Variants in TBC1D20 observed in about 807,000 individuals in gnomAD.
TBC1D20 encodes chromosome 20 open reading frame 140.
A neutral mutation model predicts 41.6 loss-of-function variants in TBC1D20; 12 were observed. That is an observed-to-expected ratio of 0.29 (90% CI 0.18 to 0.47). TBC1D20 has a LOEUF of 0.47. Among genes scored for constraint, TBC1D20 ranks in the 20% least tolerant of loss-of-function variants. TBC1D20 has a pLI of 1.00. For synonymous variants in TBC1D20, 205 were observed against 204.8 expected (o/e 1.00, Z -0.01); for missense variants, 421 against 517.4 (o/e 0.81, Z 1.81).
rs1031576158 is a variant in TBC1D20 at position 435,483 on chromosome 20, T to G, written c.*3103A>C. ...GGCTCACAGAACTCAGGGAAACTTA[T>G]GTTTACCAGTTTATTACAAACATTA... On this transcript the variant is annotated 3_prime_UTR_variant, in exon 8 of 8. Transcript: ENST00000354200. The G allele has an allele frequency of 1.3e-5, 2 of 153,266 alleles. No individual in the cohort carries two copies. Among genetic ancestry groups the G allele is most frequent in the African/African-American group, 2.4e-5 (1 of 41,464 alleles). 9.5% of individuals were successfully genotyped at this position (153,266 alleles called of 1,614,324 possible).
chr20:457,072 G>A (rs181383180), intron 1 of TBC1D20, among the ~76,000 whole-genome samples: 242 of 151,662 alleles, frequency 1.6e-3, no homozygotes, highest in African/African-American at 4.9e-3. Context: ...GAGTAGCTGG[G>A]ATTACAGGCA....
chr20:455,543 G>A (rs187021274), intron 1 of TBC1D20, among the ~76,000 whole-genome samples: 16 of 151,790 alleles, frequency 1.1e-4, no homozygotes, highest in South Asian at 2.1e-4. Flanking sequence ...GCTTGAACCC[G>A]GGAGGCGGAG....
At position 458,544 on chromosome 20, in the gene TBC1D20, C is replaced by T. The variant is rs180987306; in HGVS notation, c.70+3792G>A. Among the ~76,000 whole-genome samples, 12 of 152,194 alleles carry T rather than the reference C, an allele frequency of 7.9e-5. No individual in the cohort carries two copies. The East Asian group carries it at 1.9e-3, about 24-fold the overall frequency. ...CCCAGGCTGATCTCAAACTCCTGGG[C>T]TCTAGTGATCCACCCACCTCGACCT... is the stretch of plus-strand genomic sequence containing the variant. On this transcript the variant is annotated intron_variant, in intron 1 of 7. Transcript: ENST00000354200.
At position 462,334 on chromosome 20, in the gene TBC1D20, A is replaced by G; in HGVS notation, c.70+2T>C. Reference sequence around the variant, plus strand: ...TCCCGGCGCCCCGGTCGGCTTCCGTACCTGCCTTCTCCGCGCCGCCGTCCC... The same window carrying G: ...TCCCGGCGCCCCGGTCGGCTTCCGTGCCTGCCTTCTCCGCGCCGCCGTCCC... On this transcript the variant is annotated splice_donor_variant, in intron 1 of 7. Coordinates refer to ENST00000354200, the MANE Select transcript of TBC1D20 (RefSeq NM_144628.4). LOFTEE classifies it high-confidence loss of function. The G allele has an allele frequency of 7.7e-7, 1 of 1,302,012 alleles. No individual in the cohort carries two copies. The highest frequency in any genetic ancestry group is 1.9e-5 in the South Asian group (1 of 51,964). 80.7% of individuals were successfully genotyped at this position (1,302,012 alleles called of 1,614,324 possible).
At chr20:446,357 T>G (rs1181274263) in intron 2 of TBC1D20, among the ~76,000 whole-genome samples, 1 of 152,240 alleles carries the variant, frequency 6.6e-6, no homozygotes, top group Non-Finnish European at 1.5e-5. Context: ...TGTTTTCTTT[T>G]TTTTTGAGTA....
At chr20:443,475 CAG>C (rs2017275867) in intron 3 of TBC1D20, among the ~76,000 whole-genome samples, 1 of 152,170 alleles carries the variant, frequency 6.6e-6, no homozygotes. Flanking sequence ...AACACATACT[CAG>C]AGAGAGAAAG....
rs746608099 is a variant in TBC1D20, at chr20:437,428, G to C, written c.*1158C>G. The C allele has an allele frequency of 3.3e-5, 5 of 152,558 alleles. No individual in the cohort carries two copies. Among genetic ancestry groups the C allele is most frequent in the Non-Finnish European group, 5.9e-5 (4 of 68,042 alleles). 9.5% of individuals were successfully genotyped at this position (152,558 alleles called of 1,614,324 possible). On this transcript the variant is annotated 3_prime_UTR_variant, in exon 8 of 8. Coordinates refer to ENST00000354200, the MANE Select transcript of TBC1D20 (RefSeq NM_144628.4). ...GCCAGAGTGAATCTAAAACAAACCT[G>C]GCTTTGCTTACAGGGAAGCTGTCCC... is the stretch of plus-strand genomic sequence containing the variant.
chr20:440,487 A>G, intron 5 of TBC1D20, 98 bp from the exon 6 acceptor site: 1 of 1,451,808 alleles, frequency 6.9e-7, no homozygotes, highest in Non-Finnish European at 9.2e-7. Flanking sequence ...TTTAGGAATA[A>G]GATTTCTGGA....
chr20:453,153 C>CAAAAAAAAAAAAAAAAAAAAA (rs71191943), intron 1 of TBC1D20, among the ~76,000 whole-genome samples: 1 of 44,840 alleles, frequency 2.2e-5, no homozygotes, highest in Non-Finnish European at 3.8e-5. Flanking sequence ...AACTCCGTTT[C>CAAAAAAAAAAAAAAAAAAAAA]AAAAAAAAAA....
chr20:443,314 G>C (rs1008011754), intron 3 of TBC1D20, among the ~76,000 whole-genome samples: 2 of 152,190 alleles, frequency 1.3e-5, no homozygotes, highest in Non-Finnish European at 2.9e-5. Flanking sequence ...ATTATAGCTG[G>C]AAATAGGGAA....
Position 435,568 on chromosome 20 carries a change from G to A in TBC1D20, c.*3018C>T, listed in dbSNP as rs1162492639. The A allele has an allele frequency of 1.3e-5, 2 of 153,694 alleles. No homozygotes were observed. Among genetic ancestry groups the A allele is most frequent in the Admixed American group, 6.5e-5 (1 of 15,284 alleles). 9.5% of individuals were successfully genotyped at this position (153,694 alleles called of 1,614,324 possible). A position where few individuals can be genotyped will look rare whatever the true frequency, so the allele number is the denominator to read the frequency against. On this transcript the variant is annotated 3_prime_UTR_variant, in exon 8 of 8. Coordinates refer to ENST00000354200, the MANE Select transcript of TBC1D20 (RefSeq NM_144628.4). ...GAAGATACACACAGGGTGAGGTCTG[G>A]ACGGGTCCTGGGCAAATGCTGGAGC...
At chr20:461,606 C>T (rs893836214) in intron 1 of TBC1D20, among the ~76,000 whole-genome samples, 1 of 152,234 alleles carries the variant, frequency 6.6e-6, no homozygotes, top group Non-Finnish European at 1.5e-5. Context: ...AATCGATCCT[C>T]CAACCATGGC....
chr20:442,508 T>C (rs1224746865), intron 3 of TBC1D20, among the ~76,000 whole-genome samples: 2 of 152,238 alleles, frequency 1.3e-5, no homozygotes, highest in African/African-American at 2.4e-5. Context: ...TGGCTAAAGA[T>C]ATAGGACAAC....
chr20:438,606 G>C lies in TBC1D20; in HGVS notation c.1192C>G (p.Gln398Glu), dbSNP rs764834940. 1.2e-6 allele frequency: 2 copies of C among 1,614,038 alleles called. No individual in the cohort carries two copies. Among genetic ancestry groups the C allele is most frequent in the East Asian group, 2.2e-5 (1 of 44,878 alleles). The change falls in exon 8 of 8, where the codon CAG (glutamine) becomes GAG (glutamate). Residue 398 changes from glutamine (Q) to glutamate (E), a missense_variant. Transcript: ENST00000354200. ...KSALEWAPKF[Q>E]LQLFP ...GGCTTTCAGGGAAACAGCTGCAGCT[G>C]AAACTTAGGGGCCCATTCCAGGGCA...
At chr20:459,603 G>A (rs1046772035) in intron 1 of TBC1D20, among the ~76,000 whole-genome samples, 1 of 152,112 alleles carries the variant, frequency 6.6e-6, no homozygotes. Context: ...AGGAAGATAG[G>A]TATGACTTTG....
At chr20:447,303 G>A (rs1375552454) in intron 2 of TBC1D20, among the ~76,000 whole-genome samples, 2 of 151,696 alleles carry the variant, frequency 1.3e-5, no homozygotes, top group African/African-American at 2.4e-5. Context: ...CAAGTATGCA[G>A]AACAAAGCAT....
chr20:462,478 G>C lies in TBC1D20; in HGVS notation c.-73C>G, dbSNP rs1477279779. 2.2e-6 allele frequency: 2 copies of C among 922,334 alleles called. No individual in the cohort carries two copies. The highest frequency in any genetic ancestry group is 2.8e-6 in the Non-Finnish European group (2 of 719,370). 57.1% of individuals were successfully genotyped at this position (922,334 alleles called of 1,614,324 possible). The stretch of plus-strand genomic sequence containing the variant: ...CGGGAGAAGACGCGGCTCCGACCGC[G>C]GGACGTAGCACCCGCTCGGCATCGG... On this transcript the variant is annotated 5_prime_UTR_variant, in exon 1 of 8. Coordinates refer to ENST00000354200, the MANE Select transcript of TBC1D20 (RefSeq NM_144628.4).
chr20:446,817 A>G (rs570451796), intron 2 of TBC1D20, among the ~76,000 whole-genome samples: 1 of 152,022 alleles, frequency 6.6e-6, no homozygotes, highest in Non-Finnish European at 1.5e-5. Context: ...ATTTTTGTAG[A>G]GACAGGGTTT....
At chr20:453,425 GATC>G (rs1476821666) in intron 1 of TBC1D20, among the ~76,000 whole-genome samples, 1 of 145,858 alleles carries the variant, frequency 6.9e-6, no homozygotes, top group Non-Finnish European at 1.5e-5. Context: ...AGTGAGCCGA[GATC>G]ATGCTATATG....
Sources: allele counts gnomAD v4.1 joint callset (sites outside exome capture counted in the v4.1 genomes callset), GRCh38; gene constraint gnomAD v4.1.1; transcripts MANE v1.5; gene names NCBI Gene and HGNC (gene_info 2026-07-23, HGNC 2026-07-21).